The following MYRFL variants were observed in gnomAD, a reference collection of about 807,000 sequenced individuals.
MYRFL encodes myelin regulatory factor-like protein.
Under a neutral mutation model 109.4 loss-of-function variants are expected in MYRFL, and 88 were observed. The ratio of observed to expected loss-of-function variants is 0.80; its 90% CI spans 0.68 to 0.96. The LOEUF is 0.96. Ranked by LOEUF, MYRFL falls within the 40% of genes least tolerant of loss-of-function variation. The pLI is 0.00. For synonymous variants in MYRFL, 324 were observed against 320.9 expected, an observed-to-expected ratio of 1.01 and a Z score of -0.10; for missense variants, 957 against 954.9, an observed-to-expected ratio of 1.00 and a Z score of -0.03.
chr12:69,897,631 A>G (rs1325784174), intron 10 of MYRFL, among the ~76,000 whole-genome samples: 3 of 152,360 alleles, frequency 2.0e-5, no homozygotes, highest in East Asian at 3.9e-4. Flanking sequence ...CAATTTATAT[A>G]TGACATCATT....
chr12:69,911,057 T>C lies in MYRFL; in HGVS notation c.1602+127T>C, dbSNP rs1592811795. On this transcript the variant is annotated intron_variant, in intron 13 of 24. Coordinates refer to ENST00000552032, the MANE Select transcript of MYRFL (RefSeq NM_182530.3). ...ACATTAAAATAATTCTTCACTGAGT[T>C]GTGGAGTGAGTAGGTATCAACTCTC... is the stretch of plus-strand genomic sequence containing the variant. The C allele has an allele frequency of 5.3e-6, 3 of 562,316 alleles. No homozygotes were observed. The East Asian group carries it at 9.9e-5, about 19-fold the overall frequency. 34.8% of individuals were successfully genotyped at this position (562,316 alleles called of 1,614,324 possible).
At chr12:69,911,750 A>G (rs147916362) in intron 13 of MYRFL, among the ~76,000 whole-genome samples, 41 of 152,290 alleles carry the variant, frequency 2.7e-4, no homozygotes, top group African/African-American at 9.1e-4. Context: ...CTGCATTATT[A>G]TATTTGATGC....
chr12:69,917,903 G>GA (rs11439873), intron 13 of MYRFL, among the ~76,000 whole-genome samples: 57,630 of 140,870 alleles, frequency 0.41, 12,198 homozygotes, highest in African/African-American at 0.54. Context: ...ACATTTAGAT[G>GA]AAAAAAAAAA....
chr12:69,957,237 C>T (rs1179901323), intron 22 of MYRFL, among the ~76,000 whole-genome samples: 1 of 152,194 alleles, frequency 6.6e-6, no homozygotes, highest in Non-Finnish European at 1.5e-5. Context: ...TCCCAAACTC[C>T]TACCTGTATT....
At chr12:69,864,746 A>G (rs1307800204) in intron 2 of MYRFL, among the ~76,000 whole-genome samples, 1 of 151,844 alleles carries the variant, frequency 6.6e-6, no homozygotes, top group Admixed American at 6.6e-5. Context: ...GTTCTGTGCT[A>G]GGCGCTGCAT....
chr12:69,955,853 A>T (rs939400479), intron 22 of MYRFL, among the ~76,000 whole-genome samples: 41 of 152,186 alleles, frequency 2.7e-4, no homozygotes, highest in African/African-American at 9.2e-4. Flanking sequence ...ACAGAAAAAA[A>T]AAAAAAAAGG....
At chr12:69,947,697 G>A (rs1026872418) in intron 19 of MYRFL, among the ~76,000 whole-genome samples, 7 of 152,196 alleles carry the variant, frequency 4.6e-5, no homozygotes, top group Admixed American at 1.3e-4. Context: ...TGCTCATTTT[G>A]TTTTGGAGAC....
At chr12:69,864,059 C>G (rs752253173) in intron 2 of MYRFL, among the ~76,000 whole-genome samples, 75 of 152,248 alleles carry the variant, frequency 4.9e-4, no homozygotes, top group Middle Eastern at 3.4e-3. Context: ...CATCATTTTT[C>G]TCCATCTGCA....
intron 13 of MYRFL, among the ~76,000 whole-genome samples, chr12:69,923,016 T>TA (rs779198891): frequency 2.6e-5 from 4 of 152,068 alleles, no homozygotes; most frequent in Non-Finnish European, 5.9e-5. Context: ...TTACAAGATT[T>TA]AAAAAAAATG....
At chr12:69,848,863 T>C (rs1457065566) in intron 1 of MYRFL, among the ~76,000 whole-genome samples, 1 of 152,140 alleles carries the variant, frequency 6.6e-6, no homozygotes, top group African/African-American at 2.4e-5. Flanking sequence ...CTGGCTCTTA[T>C]TTGTTTTTGT....
rs527729648 is a variant in MYRFL, at chr12:69,898,989, A to ATTCG, written c.1182+1745_1182+1748dup. Among the ~76,000 whole-genome samples, 364 of 152,334 alleles carry ATTCG rather than the reference A, an allele frequency of 2.4e-3. 1 individual carries two copies. The highest frequency in any genetic ancestry group is 8.5e-3 in the African/African-American group (353 of 41,574). On this transcript the variant is annotated intron_variant, in intron 10 of 24. Coordinates refer to ENST00000552032, the MANE Select transcript of MYRFL (RefSeq NM_182530.3). ...ACTTTGAGAAGTCGAAAGTTCCATG[A>ATTCG]TTCGTATTCGGTGTGAGTACCAAAA...
At chr12:69,831,044 C>T (rs150380532) in intron 1 of MYRFL, among the ~76,000 whole-genome samples, 82 of 152,230 alleles carry the variant, frequency 5.4e-4, no homozygotes, top group African/African-American at 1.9e-3. Context: ...ATCATTATCA[C>T]TAGTAATTTT....
intron 1 of MYRFL, among the ~76,000 whole-genome samples, chr12:69,826,209 G>C (rs1387975735): frequency 2.0e-5 from 3 of 152,080 alleles, no homozygotes; most frequent in African/African-American, 7.2e-5. Context: ...CCATGGGGTA[G>C]TTTCTGTGGC....
intron 2 of MYRFL, among the ~76,000 whole-genome samples, chr12:69,861,614 A>C (rs1438683811): frequency 6.6e-6 from 1 of 151,980 alleles, no homozygotes; most frequent in African/African-American, 2.4e-5. Context: ...TTTCTTGTAA[A>C]TTTGTTTGAG....
intron 2 of MYRFL, among the ~76,000 whole-genome samples, chr12:69,865,822 C>T (rs1179825324): frequency 6.6e-6 from 1 of 152,194 alleles, no homozygotes; most frequent in African/African-American, 2.4e-5. Flanking sequence ...TCACTCTCTA[C>T]CTTTGAGGTG....
intron 13 of MYRFL, among the ~76,000 whole-genome samples, chr12:69,925,577 G>C (rs1456761238): frequency 6.6e-6 from 1 of 152,164 alleles, no homozygotes; most frequent in African/African-American, 2.4e-5. Context: ...AAGATAGGAG[G>C]AGAGGTCATG....
At chr12:69,857,151 A>C (rs867114856) in intron 2 of MYRFL, among the ~76,000 whole-genome samples, 67 of 151,992 alleles carry the variant, frequency 4.4e-4, no homozygotes, top group African/African-American at 1.6e-3. Flanking sequence ...TTACCTTTGC[A>C]CAGTTGTAAA....
chr12:69,932,394 A>G (rs1955298186), intron 15 of MYRFL, 119 bp from the exon 16 acceptor site: 2 of 632,660 alleles, frequency 3.2e-6, no homozygotes, highest in Admixed American at 5.6e-5. Flanking sequence ...AAATTGAGGC[A>G]AGCACTCAAA....
At chr12:69,865,732 C>A (rs2136326750) in intron 2 of MYRFL, among the ~76,000 whole-genome samples, 1 of 152,194 alleles carries the variant, frequency 6.6e-6, no homozygotes, top group Admixed American at 6.5e-5. Context: ...TAATAATGGT[C>A]CTTCCTACCA....
Sources: gnomAD v4.1 joint callset for allele counts (sites outside exome capture counted in the v4.1 genomes callset) on GRCh38, gnomAD v4.1.1 for gene constraint, MANE v1.5 for transcripts, NCBI Gene and HGNC (gene_info 2026-07-23, HGNC 2026-07-21) for gene names.